Variants in SUMF1 observed in about 807,000 individuals in gnomAD.
SUMF1 encodes the protein formylglycine-generating enzyme.
SUMF1 carries 48 observed loss-of-function variants against 47.6 expected under a neutral mutation model. That is an observed-to-expected ratio of 1.01 (90% CI 0.80 to 1.28). The LOEUF (loss-of-function observed/expected upper bound fraction) is 1.28. Ranked by LOEUF, SUMF1 falls within the 50% of genes most tolerant of loss-of-function variation. The pLI is 0.00. For synonymous variants in SUMF1, 230 were observed against 192.1 expected (o/e 1.20, Z -1.63); for missense variants, 571 against 485.4 (o/e 1.18, Z -1.66).
At chr3:4,245,289 G>C (rs1696636226) in intron 8 of SUMF1, among the ~76,000 whole-genome samples, 3 of 152,124 alleles carry the variant, frequency 2.0e-5, no homozygotes, top group African/African-American at 7.2e-5. Context: ...CTAGCGAGGA[G>C]TTGTATTCCT....
chr3:4,442,380 C>A (rs1363783801), intron 3 of SUMF1, among the ~76,000 whole-genome samples: 1 of 151,558 alleles, frequency 6.6e-6, no homozygotes, highest in Admixed American at 6.6e-5. Flanking sequence ...CTCAGCCTCC[C>A]GAGTAGCTGG....
chr3:4,331,825 A>G (rs923002452), intron 8 of SUMF1, among the ~76,000 whole-genome samples: 18 of 152,158 alleles, frequency 1.2e-4, no homozygotes, highest in Admixed American at 1.0e-3. Context: ...GCAAGACTCC[A>G]TCTCCAAAAA....
chr3:4,307,801 C>T (rs1163695722), intron 8 of SUMF1, among the ~76,000 whole-genome samples: 1 of 152,134 alleles, frequency 6.6e-6, no homozygotes, highest in Non-Finnish European at 1.5e-5. Flanking sequence ...CTTTTGGAGG[C>T]CAAGGCGGGA....
At chr3:4,147,826 A>G (rs191089260) in intron 8 of SUMF1, among the ~76,000 whole-genome samples, 2 of 152,264 alleles carry the variant, frequency 1.3e-5, no homozygotes, top group Admixed American at 6.5e-5. Context: ...AAATAGTCCT[A>G]TAATAAGCAA....
chr3:4,089,186 A>G (rs1692732850), intron 8 of SUMF1, among the ~76,000 whole-genome samples: 1 of 152,120 alleles, frequency 6.6e-6, no homozygotes, highest in South Asian at 2.1e-4. Flanking sequence ...AGCATCCAAG[A>G]TCTAGACTGG....
intron 8 of SUMF1, among the ~76,000 whole-genome samples, chr3:4,137,793 T>G (rs1693977020): frequency 6.6e-6 from 1 of 152,088 alleles, no homozygotes; most frequent in Non-Finnish European, 1.5e-5. Flanking sequence ...ACCACTGTAC[T>G]GGAGGTTCTA....
At chr3:4,411,284 G>A (rs1170566717) in intron 6 of SUMF1, among the ~76,000 whole-genome samples, 2 of 152,144 alleles carry the variant, frequency 1.3e-5, no homozygotes, top group Non-Finnish European at 2.9e-5. Flanking sequence ...AACATTGGGT[G>A]AGTAGGGAGA....
chr3:4,121,625 T>C (rs958434668), intron 8 of SUMF1, among the ~76,000 whole-genome samples: 1 of 152,168 alleles, frequency 6.6e-6, no homozygotes, highest in African/African-American at 2.4e-5. Flanking sequence ...CATTATGACC[T>C]AGCAATTTCA....
chr3:4,451,693 T>A (rs189422161), intron 2 of SUMF1, among the ~76,000 whole-genome samples: 1 of 152,172 alleles, frequency 6.6e-6, no homozygotes, highest in South Asian at 2.1e-4. Context: ...AACGGTTTTT[T>A]TGTTTTTGTT....
At chr3:4,391,443 G>C (rs1700859920) in intron 7 of SUMF1, among the ~76,000 whole-genome samples, 2 of 151,968 alleles carry the variant, frequency 1.3e-5, no homozygotes, top group Non-Finnish European at 2.9e-5. Flanking sequence ...GTTGCACAGG[G>C]CTGTCTTGAT....
At chr3:4,367,574 G>A (rs1700020773) in intron 8 of SUMF1, among the ~76,000 whole-genome samples, 2 of 151,958 alleles carry the variant, frequency 1.3e-5, no homozygotes, top group South Asian at 4.2e-4. Context: ...CACACTACCT[G>A]ACTTCAAACT....
At chr3:4,196,390 G>C (rs532517945) in intron 8 of SUMF1, among the ~76,000 whole-genome samples, 2 of 152,086 alleles carry the variant, frequency 1.3e-5, no homozygotes, top group Non-Finnish European at 2.9e-5. Flanking sequence ...AGGCTTCATG[G>C]GGGGAAGCTT....
chr3:4,456,658 GTATA>G (rs1310131227), intron 1 of SUMF1, among the ~76,000 whole-genome samples: 11 of 126,386 alleles, frequency 8.7e-5, no homozygotes, highest in South Asian at 2.4e-4. Flanking sequence ...ATATGTGTGT[GTATA>G]TATATATATA....
At chr3:4,441,406 GTAA>G (rs1378658735) in intron 3 of SUMF1, among the ~76,000 whole-genome samples, 3 of 152,110 alleles carry the variant, frequency 2.0e-5, no homozygotes, top group African/African-American at 7.2e-5. Context: ...ATATTGCAAT[GTAA>G]TAATAATATA....
At chr3:4,413,833 C>G (rs910874149) in intron 6 of SUMF1, among the ~76,000 whole-genome samples, 4 of 151,794 alleles carry the variant, frequency 2.6e-5, no homozygotes, top group Non-Finnish European at 4.4e-5. Flanking sequence ...CAAGACCAAT[C>G]TGGGAAACAC....
intron 8 of SUMF1, among the ~76,000 whole-genome samples, chr3:4,120,059 G>T (rs12106725): frequency 0.08 from 12,154 of 152,164 alleles, 1,240 homozygotes; most frequent in African/African-American, 0.21. Flanking sequence ...ACAGAGGAGA[G>T]AAAGCTGAGC....
At chr3:4,057,105 A>C (rs1322534115) in intron 9 of SUMF1, among the ~76,000 whole-genome samples, 1 of 152,132 alleles carries the variant, frequency 6.6e-6, no homozygotes, top group East Asian at 1.9e-4. Context: ...AAGTTATTTT[A>C]AAAAATAAAA....
intron 8 of SUMF1, among the ~76,000 whole-genome samples, chr3:4,319,288 C>T (rs1253772223): frequency 1.3e-5 from 2 of 152,160 alleles, no homozygotes; most frequent in African/African-American, 4.8e-5. Context: ...TCCTGCTGCT[C>T]ACCACACAGA....
At chr3:4,062,588 G>T (rs1461938667) in intron 9 of SUMF1, among the ~76,000 whole-genome samples, 1 of 152,160 alleles carries the variant, frequency 6.6e-6, no homozygotes, top group East Asian at 1.9e-4. Flanking sequence ...GCAGAAGAAT[G>T]AGTGGGGTGC....
Sources: allele counts gnomAD v4.1 joint callset (sites outside exome capture counted in the v4.1 genomes callset), GRCh38; gene constraint gnomAD v4.1.1; transcripts MANE v1.5; gene names NCBI Gene and HGNC (gene_info 2026-07-23, HGNC 2026-07-21).